Variants in TCERG1L observed in about 807,000 individuals in gnomAD.
TCERG1L encodes transcription elongation regulator 1-like protein.
A neutral mutation model predicts 56.3 loss-of-function variants in TCERG1L; 37 were observed. That is an observed-to-expected ratio of 0.66 (90% confidence interval 0.51 to 0.87). The LOEUF is 0.87. TCERG1L is among the 40% of genes least tolerant of loss of function. The pLI is 0.00. For synonymous variants in TCERG1L, 324 were observed against 326.3 expected, an observed-to-expected ratio of 0.99 and a Z score of 0.08; for missense variants, 799 against 774.2, an observed-to-expected ratio of 1.03 and a Z score of -0.38.
At chr10:131,246,388 T>C (rs1846037680) in intron 4 of TCERG1L, among the ~76,000 whole-genome samples, 2 of 152,080 alleles carry the variant, frequency 1.3e-5, no homozygotes, top group African/African-American at 4.8e-5. Flanking sequence ...GCGGCCATGC[T>C]GGACCTGGAG....
At chr10:131,147,564 C>T (rs1463628524) in intron 6 of TCERG1L, among the ~76,000 whole-genome samples, 2 of 152,338 alleles carry the variant, frequency 1.3e-5, no homozygotes, top group South Asian at 2.1e-4. Context: ...GTGCTGGCAC[C>T]GAGGCCCGTT....
chr10:131,289,604 T>C, intron 3 of TCERG1L, among the ~76,000 whole-genome samples: 2 of 54,412 alleles, frequency 3.7e-5, no homozygotes, highest in African/African-American at 5.0e-5. Context: ...TGTGAGTGTA[T>C]GTGTGCACCG....
chr10:131,303,901 G>GCAAC, intron 3 of TCERG1L, among the ~76,000 whole-genome samples: 1 of 152,116 alleles, frequency 6.6e-6, no homozygotes, highest in East Asian at 1.9e-4. Flanking sequence ...GGCAAAAGTT[G>GCAAC]TTTTGCCTAA....
rs1564833951 is a variant in TCERG1L, at chr10:131,285,525, AGAGAAAGAAAAG to A, written c.670+22674_670+22685del. Among the ~76,000 whole-genome samples the A allele has an allele frequency of 7.8e-3, 413 of 53,252 alleles. 11 individuals carry two copies. Among genetic ancestry groups the A allele is most frequent in the African/African-American group, 0.032 (385 of 12,148 alleles). The allele number at this position is 53,252 out of a possible 152,430, so 34.9% of individuals were successfully genotyped here. ...GAAAGAAAGAAAGAAAGAAAGAAAG[AGAGAAAGAAAAG>A]AAAAGAAAGAAAGGAAGGAAGAAAG... On this transcript the variant is annotated intron_variant, in intron 3 of 11. Transcript: ENST00000368642.
At chr10:131,174,812 C>A (rs968956493) in intron 4 of TCERG1L, among the ~76,000 whole-genome samples, 1 of 152,060 alleles carries the variant, frequency 6.6e-6, no homozygotes, top group Non-Finnish European at 1.5e-5. Flanking sequence ...GTCTCAGTAC[C>A]GAGAGGCAAC....
intron 3 of TCERG1L, among the ~76,000 whole-genome samples, chr10:131,286,079 G>A (rs912996364): frequency 2.6e-5 from 4 of 152,038 alleles, no homozygotes; most frequent in African/African-American, 7.2e-5. Context: ...GCACAAGAAC[G>A]GAAAAGAAGA....
intron 3 of TCERG1L, among the ~76,000 whole-genome samples, chr10:131,294,760 G>C (rs898503917): frequency 6.6e-6 from 1 of 151,694 alleles, no homozygotes; most frequent in Admixed American, 6.6e-5. Flanking sequence ...TTCTTCTATT[G>C]TCCATTTTTT....
At chr10:131,285,619 G>A (rs1182296823) in intron 3 of TCERG1L, among the ~76,000 whole-genome samples, 1 of 152,034 alleles carries the variant, frequency 6.6e-6, no homozygotes, top group Non-Finnish European at 1.5e-5. Flanking sequence ...ACACAAGAAC[G>A]TGGACTAAAG....
At chr10:131,236,197 G>A (rs910621186) in intron 4 of TCERG1L, among the ~76,000 whole-genome samples, 1 of 152,190 alleles carries the variant, frequency 6.6e-6, no homozygotes, top group African/African-American at 2.4e-5. Context: ...TGGGGACATT[G>A]ATCCTCCAGT....
chr10:131,162,970 G>T, intron 6 of TCERG1L, 152 bp downstream of exon 6: 1 of 573,152 alleles, frequency 1.7e-6, no homozygotes, highest in Non-Finnish European at 3.0e-6. Context: ...TGTGACCACA[G>T]TGCAGAATTA....
At chr10:131,137,089 G>A (rs1165370772) in intron 7 of TCERG1L, among the ~76,000 whole-genome samples, 3 of 152,086 alleles carry the variant, frequency 2.0e-5, no homozygotes, top group Non-Finnish European at 2.9e-5. Flanking sequence ...GCAGTGAGCC[G>A]CGATTGTGCC....
At chr10:131,209,481 AG>A (rs374732910) in intron 4 of TCERG1L, among the ~76,000 whole-genome samples, 3 of 149,812 alleles carry the variant, frequency 2.0e-5, no homozygotes, top group East Asian at 4.4e-4. Context: ...AATCACTGTT[AG>A]AACTTTAATG....
chr10:131,170,222 G>A (rs560223690), intron 4 of TCERG1L, among the ~76,000 whole-genome samples: 12 of 152,174 alleles, frequency 7.9e-5, no homozygotes, highest in East Asian at 5.8e-4. Flanking sequence ...CCATTCCACC[G>A]TGGAAGTGCT....
intron 3 of TCERG1L, among the ~76,000 whole-genome samples, chr10:131,276,063 C>A (rs145040095): frequency 9.8e-5 from 15 of 152,326 alleles, no homozygotes; most frequent in Admixed American, 3.3e-4. Context: ...AGGTGCTTAA[C>A]ACATACATGT....
rs1239808095 is a variant in TCERG1L, at chr10:131,230,467, CCGGCAG to C, written c.856+29786_856+29791del. ...AGCAGTGGATCCTGGCCAGTGCTCA[CCGGCAG>C]CAAGTCCCAGCACACTGAGGGACGC... On this transcript the variant is annotated intron_variant, in intron 4 of 11. Transcript: ENST00000368642. 1.2e-4 allele frequency among the ~76,000 whole-genome samples: 18 copies of C among 152,312 alleles called. No homozygotes were observed. In the South Asian group the frequency reaches 3.5e-3, roughly 30 times the overall value.
intron 9 of TCERG1L, 112 bp downstream of exon 9, chr10:131,116,687 C>T: frequency 7.2e-7 from 1 of 1,397,258 alleles, no homozygotes; most frequent in East Asian, 2.5e-5. Flanking sequence ...GACAGTCACT[C>T]AGCCTGATCA....
chr10:131,152,569 C>G (rs1183566178), intron 6 of TCERG1L, among the ~76,000 whole-genome samples: 1 of 152,206 alleles, frequency 6.6e-6, no homozygotes, highest in Non-Finnish European at 1.5e-5. Flanking sequence ...AACTTTTCCA[C>G]ATTTTGCTAT....
At chr10:131,151,516 C>G (rs1845867742) in intron 6 of TCERG1L, among the ~76,000 whole-genome samples, 1 of 152,184 alleles carries the variant, frequency 6.6e-6, no homozygotes, top group African/African-American at 2.4e-5. Context: ...GCTCCCTCAG[C>G]CTTGGGTAGG....
chr10:131,231,566 C>G (rs138687079), intron 4 of TCERG1L, among the ~76,000 whole-genome samples: 53 of 152,158 alleles, frequency 3.5e-4, no homozygotes, highest in African/African-American at 1.2e-3. Flanking sequence ...AGATCCGAGC[C>G]CCTCCGGCAT....
Sources: allele counts gnomAD v4.1 joint callset (sites outside exome capture counted in the v4.1 genomes callset), GRCh38; gene constraint gnomAD v4.1.1; transcripts MANE v1.5; gene names NCBI Gene and HGNC (gene_info 2026-07-23, HGNC 2026-07-21).